The following CPLX1 variants were observed in gnomAD, a reference collection of about 807,000 sequenced individuals.
CPLX1 encodes the protein complexin 1, also known as complexin-1.
A neutral mutation model predicts 15.6 loss-of-function variants in CPLX1; 6 were observed. The ratio of observed to expected loss-of-function variants is 0.39; its 90% CI spans 0.21 to 0.76. The LOEUF (loss-of-function observed/expected upper bound fraction) is 0.76, where lower values mean the gene tolerates loss of function less well. Among genes scored for constraint, CPLX1 ranks in the 30% least tolerant of loss-of-function variants. The pLI is 0.43. For missense variants in CPLX1, 242 were observed against 188.6 expected (o/e 1.28, Z -1.66); for synonymous variants, 91 against 75.2 (o/e 1.21, Z -1.08).
chr4:800,027 G>A (rs1746420797), intron 2 of CPLX1, among the ~76,000 whole-genome samples: 1 of 152,168 alleles, frequency 6.6e-6, no homozygotes, highest in African/African-American at 2.4e-5. Context: ...CTGGTGGGAT[G>A]GAGGGGGCAG....
rs1745945028 is a variant in CPLX1 at position 785,264 on chromosome 4, T to C, written c.*1237A>G. Reference sequence around the variant, plus strand: ...GACAGCGACGTCCCCGCGGGCCGCGTCGCTGGGGCGCAGAGGGGCGCGGTG... The same window carrying C: ...GACAGCGACGTCCCCGCGGGCCGCGCCGCTGGGGCGCAGAGGGGCGCGGTG... On this transcript the variant is annotated 3_prime_UTR_variant, in exon 4 of 4. Transcript: ENST00000304062. 1 of 152,438 alleles carries C rather than the reference T, an allele frequency of 6.6e-6. No homozygotes were observed. Among genetic ancestry groups the C allele is most frequent in the African/African-American group, 2.4e-5 (1 of 41,420 alleles). 9.4% of individuals were successfully genotyped at this position (152,438 alleles called of 1,614,324 possible).
rs775668986 is a variant in CPLX1 at position 824,502 on chromosome 4, C to T, written c.21G>A (p.Gln7=). The T allele has an allele frequency of 1.2e-6, 2 of 1,612,944 alleles. No individual in the cohort carries two copies. Among genetic ancestry groups the T allele is most frequent in the Non-Finnish European group, 8.5e-7 (1 of 1,179,790 alleles). The part of the protein sequence containing the change: MEFVMK[Q]ALGGATKDMG... ...CCTCCCGCTTCCTACCTCCTAGAGC[C>T]TGCTTCATCACAAACTCCATGGCGA... is the stretch of plus-strand genomic sequence containing the variant. The change falls in exon 2 of 4, where the codon CAG becomes CAA. Residue 7 remains glutamine (Q), a synonymous_variant. Coordinates refer to ENST00000304062, the MANE Select transcript of CPLX1 (RefSeq NM_006651.4).
At chr4:825,486 G>A (rs1018519134) in intron 1 of CPLX1, among the ~76,000 whole-genome samples, 28 of 151,984 alleles carry the variant, frequency 1.8e-4, no homozygotes, top group Non-Finnish European at 3.4e-4. Flanking sequence ...CCCGCGGCGC[G>A]GGGAAGGAGG....
chr4:820,195 CGG>C (rs1746835487), intron 2 of CPLX1, among the ~76,000 whole-genome samples: 2 of 151,840 alleles, frequency 1.3e-5, no homozygotes, highest in South Asian at 2.1e-4. Flanking sequence ...ACCGTCCTCC[CGG>C]ACCCAGCTCA....
chr4:823,768 G>C (rs903369991), intron 2 of CPLX1, among the ~76,000 whole-genome samples: 2 of 152,246 alleles, frequency 1.3e-5, no homozygotes, highest in Non-Finnish European at 2.9e-5. Flanking sequence ...CACTGCTCTT[G>C]ACATGGTCTC....
chr4:793,911 C>G (rs1746259390), intron 2 of CPLX1, among the ~76,000 whole-genome samples: 1 of 152,248 alleles, frequency 6.6e-6, no homozygotes, highest in South Asian at 2.1e-4. Flanking sequence ...TAGACTAACA[C>G]CACCCAGCCA....
chr4:818,703 T>C (rs1746806788), intron 2 of CPLX1, among the ~76,000 whole-genome samples: 1 of 152,260 alleles, frequency 6.6e-6, no homozygotes, highest in South Asian at 2.1e-4. Context: ...GGCTGCGCCA[T>C]CTGCCGCCGA....
intron 2 of CPLX1, among the ~76,000 whole-genome samples, chr4:822,623 C>A (rs990867247): frequency 6.6e-6 from 1 of 152,162 alleles, no homozygotes; most frequent in South Asian, 2.1e-4. Context: ...CCCTCTCCTG[C>A]CAGCTTCTTT....
chr4:803,264 G>C (rs757359200), intron 2 of CPLX1, among the ~76,000 whole-genome samples: 2 of 152,266 alleles, frequency 1.3e-5, no homozygotes, highest in Non-Finnish European at 2.9e-5. Flanking sequence ...CTGTTTCGAA[G>C]GGTCCAGTGA....
chr4:805,125 G>A (rs969666054), intron 2 of CPLX1, among the ~76,000 whole-genome samples: 2 of 152,234 alleles, frequency 1.3e-5, no homozygotes, highest in Non-Finnish European at 2.9e-5. Flanking sequence ...AGGGAAGCCC[G>A]GGGCCTGGAG....
chr4:808,996 TAGAG>T (rs1250196233), intron 2 of CPLX1, among the ~76,000 whole-genome samples: 2 of 152,164 alleles, frequency 1.3e-5, no homozygotes, highest in Admixed American at 6.5e-5. Context: ...GCGATAGAGA[TAGAG>T]AGCGCGCGAG....
Position 820,855 on chromosome 4 carries a change from C to A in CPLX1, c.31+3637G>T, listed in dbSNP as rs115183778. Reference sequence around the variant, plus strand: ...CCAAGGTGGACACCGGTGGCCCCCACAAGCCCCTTGGGTTGTTCCTGCCGA... The same window carrying A: ...CCAAGGTGGACACCGGTGGCCCCCAAAAGCCCCTTGGGTTGTTCCTGCCGA... On this transcript the variant is annotated intron_variant, in intron 2 of 3. Coordinates refer to ENST00000304062, the MANE Select transcript of CPLX1 (RefSeq NM_006651.4). 5.4e-3 allele frequency among the ~76,000 whole-genome samples: 821 copies of A among 152,224 alleles called. 7 individuals carry two copies. Among genetic ancestry groups the A allele is most frequent in the Admixed American group, 7.7e-3 (118 of 15,302 alleles).
intron 2 of CPLX1, among the ~76,000 whole-genome samples, chr4:792,934 C>T (rs1362573540): frequency 1.3e-5 from 2 of 152,306 alleles, no homozygotes; most frequent in South Asian, 2.1e-4. Flanking sequence ...CTTATGCGTA[C>T]GTGTGGCTGT....
chr4:786,629 T>C lies in CPLX1; in HGVS notation c.277A>G (p.Ser93Gly). 6.2e-7 allele frequency: 1 copy of C among 1,611,924 alleles called. No individual in the cohort carries two copies. Among genetic ancestry groups the C allele is most frequent in the Non-Finnish European group, 8.5e-7 (1 of 1,179,262 alleles). Residue 93 changes from serine (S) to glycine (G), a missense_variant, in exon 4 of 4, where the codon AGC (serine) becomes GGC (glycine). Physicochemically the swap from Ser to Gly is moderately conservative, Grantham distance 56 (BLOSUM62 0). Transcript: ENST00000304062. ...ATGGCCTTCTTGGGCCGCGTCAAGC[T>C]CCCCTCGGAGTTGGCCTCCATGGCG... The part of the protein sequence containing the change: ...QAAMEANSEG[S>G]LTRPKKAIPP...
At chr4:821,684 G>A (rs1043882571) in intron 2 of CPLX1, among the ~76,000 whole-genome samples, 1 of 151,998 alleles carries the variant, frequency 6.6e-6, no homozygotes, top group East Asian at 1.9e-4. Flanking sequence ...CACGTGTTGT[G>A]GGGGGAGGCC....
At chr4:791,036 C>T (rs1196916627) in intron 3 of CPLX1, among the ~76,000 whole-genome samples, 1 of 152,066 alleles carries the variant, frequency 6.6e-6, no homozygotes. Flanking sequence ...TTCTCTGACT[C>T]CCCCTTCCTT....
intron 2 of CPLX1, among the ~76,000 whole-genome samples, chr4:795,299 G>C (rs983251397): frequency 6.6e-6 from 1 of 152,270 alleles, no homozygotes; most frequent in Non-Finnish European, 1.5e-5. Context: ...CGGCGAGACC[G>C]GCGCAGAACG....
At chr4:825,452 C>G (rs1348704809) in intron 1 of CPLX1, among the ~76,000 whole-genome samples, 1 of 151,690 alleles carries the variant, frequency 6.6e-6, no homozygotes, top group Non-Finnish European at 1.5e-5. Context: ...AGCGCCGATT[C>G]TCCTCCAAAC....
chr4:824,978 G>A (rs116098137), intron 1 of CPLX1: 4,587 of 358,712 alleles, frequency 0.013, 170 homozygotes, highest in African/African-American at 0.088. Flanking sequence ...GTGGTCCCGA[G>A]CCCAGGGCCG....
Sources: gnomAD v4.1 joint callset for allele counts (sites outside exome capture counted in the v4.1 genomes callset) on GRCh38, gnomAD v4.1.1 for gene constraint, MANE v1.5 for transcripts, NCBI Gene and HGNC (gene_info 2026-07-23, HGNC 2026-07-21) for gene names.